CFAP47: variants seen among roughly 807,000 people sequenced by gnomAD.
The protein encoded by CFAP47 is cilia and flagella associated protein 47.
A neutral mutation model predicts 148.1 loss-of-function variants in CFAP47; 29 were observed. The observed-to-expected ratio is 0.20, with a 90% confidence interval of 0.15 to 0.27. CFAP47 has a LOEUF of 0.27. CFAP47 is among the 10% of genes least tolerant of loss of function. CFAP47 has a pLI of 1.00. For synonymous variants in CFAP47, 664 were observed against 577.3 expected (o/e 1.15, Z -2.15); for missense variants, 1,872 against 1,697.5 (o/e 1.10, Z -1.81).
chrX:36,294,331 G>C (rs1440114894), intron 51 of CFAP47, among the ~76,000 whole-genome samples: 1 of 111,209 alleles, frequency 9.0e-6, no homozygotes, highest in African/African-American at 3.3e-5. Flanking sequence ...TCCCAGACAG[G>C]CCTGAGGGTG....
rs781880596 is a variant in CFAP47, at chrX:36,235,919, T to A, written c.7015-15T>A. ...ATCATCTCTCTGATATTTCTGTACC[T>A]TTTTCATGCTTTAGAAAAATCAAAC... On this transcript the variant is annotated splice_polypyrimidine_tract_variant and intron_variant, in intron 46 of 63. Transcript: ENST00000378653. The A allele has an allele frequency of 3.9e-5, 18 of 462,317 alleles. No individual in the cohort carries two copies. Among genetic ancestry groups the A allele is most frequent in the Non-Finnish European group, 6.2e-5 (16 of 259,515 alleles). 38.1% of individuals were successfully genotyped at this position (462,317 alleles called of 1,213,427 possible). A position where few individuals can be genotyped will look rare whatever the true frequency, so the allele number is the denominator to read the frequency against.
intron 45 of CFAP47, among the ~76,000 whole-genome samples, chrX:36,219,436 T>A (rs1940191817): frequency 9.0e-6 from 1 of 111,416 alleles, no homozygotes; most frequent in Admixed American, 9.5e-5. Context: ...ATTCAATGTT[T>A]CAGGTTTCCC....
intron 57 of CFAP47, among the ~76,000 whole-genome samples, chrX:36,319,808 C>T (rs1211383087): frequency 1.8e-5 from 2 of 110,475 alleles, no homozygotes; most frequent in Non-Finnish European, 3.8e-5. Flanking sequence ...GTTTTTGAGA[C>T]TATTTTTGTT....
At position 35,968,841 on chromosome X, in the gene CFAP47, T is replaced by C. The variant is rs149221363; in HGVS notation, c.1814+1009T>C. Among the ~76,000 whole-genome samples, 643 of 110,778 alleles carry C rather than the reference T, an allele frequency of 5.8e-3. 7 individuals carry two copies. Among genetic ancestry groups the C allele is most frequent in the African/African-American group, 0.02 (617 of 30,460 alleles). ...ACTCCATTTTAAATAATTGCCATAT[T>C]ATAGAAAAGAAAATTCTGTTTTTTC... On this transcript the variant is annotated intron_variant, in intron 10 of 63. Transcript: ENST00000378653.
chrX:36,055,947 C>T (rs866485843), intron 26 of CFAP47, among the ~76,000 whole-genome samples: 1 of 110,799 alleles, frequency 9.0e-6, no homozygotes, highest in Middle Eastern at 4.7e-3. Context: ...TTGTGGGCTG[C>T]ATGAATGTCT....
intron 42 of CFAP47, among the ~76,000 whole-genome samples, chrX:36,191,429 C>T (rs1939864198): frequency 9.0e-6 from 1 of 111,245 alleles, no homozygotes; most frequent in Admixed American, 9.6e-5. Context: ...TTACTAAAAA[C>T]TAAATCTTGC....
intron 8 of CFAP47, among the ~76,000 whole-genome samples, chrX:35,958,649 C>A (rs752466329): frequency 2.7e-5 from 3 of 111,667 alleles, no homozygotes; most frequent in African/African-American, 9.8e-5. Context: ...AATATCTTTT[C>A]ATGTACTTAT....
chrX:36,118,529 G>T (rs767216510), intron 33 of CFAP47, among the ~76,000 whole-genome samples: 1 of 110,531 alleles, frequency 9.0e-6, no homozygotes, highest in South Asian at 3.8e-4. Context: ...GAATGCCGTG[G>T]CGTGATCTTG....
chrX:36,029,211 C>G, intron 22 of CFAP47, among the ~76,000 whole-genome samples: 1 of 110,777 alleles, frequency 9.0e-6, no homozygotes, highest in Non-Finnish European at 1.9e-5. Context: ...TTTTGCATGT[C>G]TGTCATATTA....
At chrX:36,027,722 G>A (rs1392837819) in intron 22 of CFAP47, among the ~76,000 whole-genome samples, 1 of 110,922 alleles carries the variant, frequency 9.0e-6, no homozygotes, top group African/African-American at 3.3e-5. Context: ...TAGTTCTTTG[G>A]GAAATCTCCA....
chrX:35,972,898 TA>T (rs1025316180), intron 13 of CFAP47, among the ~76,000 whole-genome samples: 13 of 109,704 alleles, frequency 1.2e-4, no homozygotes, highest in African/African-American at 1.7e-4. Context: ...ATATCTAACT[TA>T]AAAAAAAACC....
At chrX:35,923,911 GT>G (rs1935628995) in intron 1 of CFAP47, among the ~76,000 whole-genome samples, 1 of 82,751 alleles carries the variant, frequency 1.2e-5, no homozygotes, top group African/African-American at 6.0e-5. Flanking sequence ...ATGTACATGT[GT>G]ATATATGTAC....
At chrX:36,057,255 T>C (rs769481552) in intron 26 of CFAP47, among the ~76,000 whole-genome samples, 5 of 112,001 alleles carry the variant, frequency 4.5e-5, no homozygotes, top group Admixed American at 9.5e-5. Context: ...AAGGTAATTA[T>C]GACAAAGGGC....
chrX:36,292,376 T>A (rs1941201723), intron 51 of CFAP47, among the ~76,000 whole-genome samples: 1 of 112,180 alleles, frequency 8.9e-6, no homozygotes, highest in African/African-American at 3.2e-5. Context: ...CTCAATTACA[T>A]GATACTTTCA....
intron 39 of CFAP47, among the ~76,000 whole-genome samples, chrX:36,177,937 C>G (rs942862335): frequency 9.0e-6 from 1 of 111,609 alleles, no homozygotes; most frequent in Non-Finnish European, 1.9e-5. Flanking sequence ...AACTTAGGTG[C>G]CCATCAATGG....
At chrX:35,938,943 C>T (rs2146629012) in intron 2 of CFAP47, among the ~76,000 whole-genome samples, 1 of 111,370 alleles carries the variant, frequency 9.0e-6, no homozygotes, top group African/African-American at 3.3e-5. Context: ...TTCAATTGTC[C>T]CTTAGTTTGG....
intron 35 of CFAP47, chrX:36,144,608 C>T: frequency 1.9e-6 from 2 of 1,027,647 alleles, no homozygotes; most frequent in Non-Finnish European, 2.6e-6. Flanking sequence ...GAGTCAGTGG[C>T]CTGAGAAAGG....
At chrX:36,016,253 A>G (rs1292288159) in intron 22 of CFAP47, among the ~76,000 whole-genome samples, 1 of 110,063 alleles carries the variant, frequency 9.1e-6, no homozygotes. Flanking sequence ...CATTCTTTCT[A>G]ATTATGCTTT....
chrX:36,328,811 T>C (rs9887699), intron 57 of CFAP47, among the ~76,000 whole-genome samples: 29,111 of 83,013 alleles, frequency 0.35, 6,684 homozygotes, highest in African/African-American at 0.76. Context: ...AGCGAGACTC[T>C]GTCTCAAAAA....
Sources: gnomAD v4.1 joint callset for allele counts (sites outside exome capture counted in the v4.1 genomes callset) on GRCh38, gnomAD v4.1.1 for gene constraint, MANE v1.5 for transcripts, NCBI Gene and HGNC (gene_info 2026-07-23, HGNC 2026-07-21) for gene names.